The following CDYL2 variants were observed in gnomAD, a reference collection of about 807,000 sequenced individuals.
CDYL2 encodes chromodomain Y like 2, also known as chromodomain Y-like protein 2.
A neutral mutation model predicts 49.4 loss-of-function variants in CDYL2; 23 were observed. The observed-to-expected ratio is 0.47, with a 90% CI of 0.34 to 0.66. The LOEUF (loss-of-function observed/expected upper bound fraction) is 0.66. Ranked by LOEUF, CDYL2 falls within the 30% of genes least tolerant of loss-of-function variation. The pLI, the probability that CDYL2 is intolerant of heterozygous loss-of-function variation, is 0.01. For missense variants in CDYL2, 678 were observed against 656.4 expected (o/e 1.03, Z -0.36); for synonymous variants, 360 against 268.8 (o/e 1.34, Z -3.32).
chr16:80,724,801 C>A (rs777475495), intron 1 of CDYL2, among the ~76,000 whole-genome samples: 1 of 152,214 alleles, frequency 6.6e-6, no homozygotes, highest in Admixed American at 6.5e-5. Flanking sequence ...GTCACCAAAC[C>A]TCTCACCCAG....
chr16:80,768,728 T>C (rs1026563591), intron 1 of CDYL2, among the ~76,000 whole-genome samples: 38 of 152,196 alleles, frequency 2.5e-4, no homozygotes, highest in African/African-American at 7.2e-4. Context: ...CTGGATGACA[T>C]GTAGCATAAC....
chr16:80,729,290 G>C (rs901546193), intron 1 of CDYL2, among the ~76,000 whole-genome samples: 1 of 151,412 alleles, frequency 6.6e-6, no homozygotes, highest in East Asian at 1.9e-4. Context: ...AAAAAGGCAG[G>C]GGTTGCAATC....
At chr16:80,740,428 C>G (rs1373479500) in intron 1 of CDYL2, among the ~76,000 whole-genome samples, 1 of 152,156 alleles carries the variant, frequency 6.6e-6, no homozygotes, top group Non-Finnish European at 1.5e-5. Flanking sequence ...TGACCACCCA[C>G]CCATCCAAGT....
intron 1 of CDYL2, among the ~76,000 whole-genome samples, chr16:80,701,270 T>A (rs2142500471): frequency 6.6e-6 from 1 of 152,294 alleles, no homozygotes; most frequent in South Asian, 2.1e-4. Flanking sequence ...TATATAAAGG[T>A]CTGGAATAAT....
chr16:80,786,924 T>G (rs1178500064), intron 1 of CDYL2, among the ~76,000 whole-genome samples: 20 of 139,360 alleles, frequency 1.4e-4, no homozygotes, highest in African/African-American at 3.0e-4. Context: ...CTGTGGGGGG[T>G]GGGGGGCTAG....
At chr16:80,615,226 C>G (rs1251163576) in intron 4 of CDYL2, among the ~76,000 whole-genome samples, 1 of 152,142 alleles carries the variant, frequency 6.6e-6, no homozygotes, top group Non-Finnish European at 1.5e-5. Context: ...TCACTCACTT[C>G]CTAACCTAAT....
At chr16:80,687,347 T>C (rs893968496) in intron 1 of CDYL2, among the ~76,000 whole-genome samples, 4 of 152,016 alleles carry the variant, frequency 2.6e-5, no homozygotes, top group Non-Finnish European at 5.9e-5. Context: ...GTTAGACAAA[T>C]AGCCAACACA....
chr16:80,644,006 T>C (rs768066697), intron 2 of CDYL2, among the ~76,000 whole-genome samples: 1 of 152,258 alleles, frequency 6.6e-6, no homozygotes, highest in African/African-American at 2.4e-5. Context: ...TATCACATTG[T>C]CAGGCTACAA....
intron 1 of CDYL2, among the ~76,000 whole-genome samples, chr16:80,687,979 T>G (rs1413592135): frequency 6.6e-6 from 1 of 152,128 alleles, no homozygotes; most frequent in Non-Finnish European, 1.5e-5. Context: ...AACTCCTCCA[T>G]GGGAAGAAGA....
chr16:80,640,843 A>C (rs1233240765), intron 2 of CDYL2, among the ~76,000 whole-genome samples: 1 of 152,222 alleles, frequency 6.6e-6, no homozygotes. Context: ...AGCAGAATTG[A>C]ACAAGCGTAA....
rs1188658985 is a variant in CDYL2, at chr16:80,757,567, T to TAC, written c.24+46581_24+46582dup. On this transcript the variant is annotated intron_variant, in intron 1 of 6. Transcript: ENST00000570137. Reference sequence around the variant, plus strand: ...AAAAAAAAAAAAATATATATATATATACACACACACATATATTTTGAAAAA... The same window carrying TAC: ...AAAAAAAAAAAAATATATATATATATACACACACACACATATATTTTGAAAAA... Among the ~76,000 whole-genome samples the TAC allele has an allele frequency of 1.5e-4, 22 of 150,090 alleles. No homozygotes were observed. The South Asian group carries it at 2.5e-3, about 17-fold the overall frequency.
At chr16:80,801,559 A>G (rs1175239630) in intron 1 of CDYL2, among the ~76,000 whole-genome samples, 1 of 152,266 alleles carries the variant, frequency 6.6e-6, no homozygotes, top group Non-Finnish European at 1.5e-5. Context: ...TACAAACGTA[A>G]GAACTCTTGG....
At chr16:80,690,465 T>C (rs1277377633) in intron 1 of CDYL2, among the ~76,000 whole-genome samples, 1 of 152,142 alleles carries the variant, frequency 6.6e-6, no homozygotes, top group East Asian at 1.9e-4. Flanking sequence ...ATACATTAAC[T>C]CTCCAAAATA....
rs545118276 is a variant in CDYL2, at chr16:80,609,031, G to A, written c.1219-796C>T. Among the ~76,000 whole-genome samples, 52 of 152,312 alleles carry A rather than the reference G, an allele frequency of 3.4e-4. 1 individual carries two copies. The South Asian group carries it at 1.0e-2, about 29-fold the overall frequency. The stretch of plus-strand genomic sequence containing the variant: ...GCATCTCTCCAAGCAGCTCAGGGCT[G>A]GGCAAGGGCACTGCCCAGTCTTGAA... On this transcript the variant is annotated intron_variant, in intron 5 of 6. Transcript: ENST00000570137.
In CDYL2 at chr16:80,684,949, C is replaced by T; in HGVS notation, c.205G>A (p.Gly69Arg). ...HMSKDKRIKSGKQSSTSKLLR... is the reference protein window; with the variant it reads ...HMSKDKRIKSRKQSSTSKLLR... ...AGCTTGGAGGTACTGGACTGCTTCCCTGACTTGATCCTCTTGTCCTTGGAC... is the reference window on the plus strand; with the variant it reads ...AGCTTGGAGGTACTGGACTGCTTCCTTGACTTGATCCTCTTGTCCTTGGAC... The change falls in exon 2 of 7, where the codon GGG becomes AGG. Residue 69 changes from glycine to arginine, a missense_variant. By Grantham distance (125) the Gly-to-Arg change is moderately radical. Coordinates refer to ENST00000570137, the MANE Select transcript of CDYL2 (RefSeq NM_152342.4). 6.2e-7 allele frequency: 1 copy of T among 1,614,208 alleles called. No individual in the cohort carries two copies. Among genetic ancestry groups the T allele is most frequent in the South Asian group, 1.1e-5 (1 of 91,080 alleles).
chr16:80,629,273 CAGACTT>C (rs776766325), intron 3 of CDYL2, among the ~76,000 whole-genome samples: 113 of 152,280 alleles, frequency 7.4e-4, no homozygotes, highest in Non-Finnish European at 1.2e-3. Context: ...TGAAAGGAGG[CAGACTT>C]ATGAGACGGC....
intron 1 of CDYL2, among the ~76,000 whole-genome samples, chr16:80,740,898 G>A (rs528067164): frequency 9.9e-5 from 15 of 150,882 alleles, no homozygotes; most frequent in Non-Finnish European, 1.6e-4. Context: ...TTGTGGATGG[G>A]AAGTTTCATT....
intron 1 of CDYL2, among the ~76,000 whole-genome samples, chr16:80,782,056 T>C (rs943407490): frequency 9.9e-5 from 15 of 151,616 alleles, no homozygotes; most frequent in Admixed American, 7.2e-4. Flanking sequence ...TAGCATAAAG[T>C]AGAGAATACA....
intron 3 of CDYL2, among the ~76,000 whole-genome samples, chr16:80,626,778 A>G (rs1907324049): frequency 6.6e-6 from 1 of 152,228 alleles, no homozygotes; most frequent in Non-Finnish European, 1.5e-5. Context: ...CTGGGAAAAT[A>G]CTGTTTTTTA....
Sources: gnomAD v4.1 joint callset for allele counts (sites outside exome capture counted in the v4.1 genomes callset) on GRCh38, gnomAD v4.1.1 for gene constraint, MANE v1.5 for transcripts, NCBI Gene and HGNC (gene_info 2026-07-23, HGNC 2026-07-21) for gene names.